The following NFATC3 variants were observed in gnomAD, a reference collection of about 807,000 sequenced individuals.
NFATC3 encodes nuclear factor of activated T-cells, cytoplasmic 3.
In NFATC3, 46 loss-of-function variants were observed where a neutral mutation model predicts 98.6. The ratio of observed to expected loss-of-function variants is 0.47; its 90% CI spans 0.37 to 0.60. The LOEUF (loss-of-function observed/expected upper bound fraction) is 0.60. NFATC3 is among the 20% of genes least tolerant of loss of function. The pLI, the probability that NFATC3 is intolerant of heterozygous loss-of-function variation, is 0.00. For synonymous variants in NFATC3, 512 were observed against 472.2 expected (o/e 1.08, Z -1.09); for missense variants, 1,256 against 1,295.5 (o/e 0.97, Z 0.47).
chr16:68,174,271 T>C, intron 5 of NFATC3, 103 bp from the exon 6 acceptor site: 1 of 951,536 alleles, frequency 1.1e-6, no homozygotes, highest in Non-Finnish European at 1.4e-6. Context: ...CAAAATTTGC[T>C]TCTCTTTATT....
intron 9 of NFATC3, among the ~76,000 whole-genome samples, chr16:68,217,183 A>G (rs896298483): frequency 2.0e-5 from 3 of 152,028 alleles, no homozygotes; most frequent in Non-Finnish European, 4.4e-5. Context: ...TGTAATCCCA[A>G]CACTTTGGGA....
At position 68,226,918 on chromosome 16, in the gene NFATC3, A is replaced by AAAAAAAAAAAAAAAAAAAG. The variant is rs2042050120; in HGVS notation, c.*452_*453insAAAAAAAAAAAAAGAAAAA. ...GAAGCAAAAAAAAAAAAAAAAAAAA[A>AAAAAAAAAAAAAAAAAAAG]AAAAAGAAAAAAAAAGAAAAGAAAA... On this transcript the variant is annotated 3_prime_UTR_variant, in exon 10 of 10. Transcript: ENST00000346183. The AAAAAAAAAAAAAAAAAAAG allele has an allele frequency of 2.6e-5, 3 of 117,312 alleles. No individual in the cohort carries two copies. Among genetic ancestry groups the AAAAAAAAAAAAAAAAAAAG allele is most frequent in the Admixed American group, 8.5e-5 (1 of 11,800 alleles). 7.3% of individuals were successfully genotyped at this position (117,312 alleles called of 1,614,324 possible).
At position 68,201,512 on chromosome 16, in the gene NFATC3, C is replaced by T. The variant is rs1196783504; in HGVS notation, c.3106+9737C>T. On this transcript the variant is annotated intron_variant, in intron 9 of 9. Transcript: ENST00000346183. ...TCTCAAACTCCTGGGCTCAAGTGAT[C>T]TGCCCTCCTTGGCCTCCCAAAGTGC... Among the ~76,000 whole-genome samples the T allele has an allele frequency of 2.6e-5, 4 of 151,398 alleles. No individual in the cohort carries two copies. The East Asian group carries it at 7.9e-4, about 30-fold the overall frequency.
At chr16:68,167,799 C>A in intron 5 of NFATC3, among the ~76,000 whole-genome samples, 1 of 99,072 alleles carries the variant, frequency 1.0e-5, no homozygotes, top group African/African-American at 3.8e-5. Context: ...TATCTGTTAA[C>A]CGTATGTGTT....
At chr16:68,133,380 G>A (rs1419695415) in intron 3 of NFATC3, among the ~76,000 whole-genome samples, 1 of 152,092 alleles carries the variant, frequency 6.6e-6, no homozygotes, top group African/African-American at 2.4e-5. Context: ...TTATATACAT[G>A]TATCAAAATA....
chr16:68,106,569 C>G (rs2035668633), intron 1 of NFATC3, among the ~76,000 whole-genome samples: 1 of 151,884 alleles, frequency 6.6e-6, no homozygotes, highest in Non-Finnish European at 1.5e-5. Context: ...GGATTACAGG[C>G]ATGAGCCACC....
At chr16:68,152,097 T>C (rs2038360115) in intron 3 of NFATC3, among the ~76,000 whole-genome samples, 1 of 148,558 alleles carries the variant, frequency 6.7e-6, no homozygotes, top group Non-Finnish European at 1.5e-5. Flanking sequence ...GTGCAGTGGC[T>C]CACGCCTATA....
At chr16:68,085,886 C>T in intron 1 of NFATC3, 102 bp downstream of exon 1, 1 of 900,248 alleles carries the variant, frequency 1.1e-6, no homozygotes, top group African/African-American at 1.8e-5. Context: ...ACCGATAACC[C>T]TGTGTGTGTG....
intron 1 of NFATC3, among the ~76,000 whole-genome samples, chr16:68,104,715 G>A (rs890429080): frequency 2.7e-5 from 4 of 148,658 alleles, no homozygotes; most frequent in African/African-American, 5.0e-5. Flanking sequence ...GCAGTGGCGC[G>A]ATCTCTGCTC....
rs2037834747 is a variant in NFATC3 at position 68,142,940 on chromosome 16, A to G, written c.1402-14929A>G. The stretch of plus-strand genomic sequence containing the variant: ...TTCCTGTATTAATAAATTACAAGAA[A>G]TATGTAGTAGCCGCATGAAGTGGCT... On this transcript the variant is annotated intron_variant, in intron 3 of 9. Transcript: ENST00000346183. Among the ~76,000 whole-genome samples, 6 of 152,102 alleles carry G rather than the reference A, an allele frequency of 3.9e-5. No homozygotes were observed. In the South Asian group the frequency reaches 1.2e-3, roughly 31 times the overall value.
chr16:68,163,297 C>T (rs1048288611), intron 4 of NFATC3, among the ~76,000 whole-genome samples: 2 of 151,906 alleles, frequency 1.3e-5, no homozygotes, highest in African/African-American at 4.8e-5. Flanking sequence ...GGGCTCCTCA[C>T]TTCCCAGTAG....
intron 6 of NFATC3, among the ~76,000 whole-genome samples, chr16:68,174,731 C>G (rs889494435): frequency 5.3e-5 from 8 of 152,124 alleles, no homozygotes; most frequent in African/African-American, 1.4e-4. Context: ...GCCTGTAGTT[C>G]CAGCTACTCA....
chr16:68,101,490 GT>G (rs200613941), intron 1 of NFATC3, among the ~76,000 whole-genome samples: 19 of 126,656 alleles, frequency 1.5e-4, no homozygotes, highest in East Asian at 6.9e-4. Flanking sequence ...TTTTTTTTTT[GT>G]TTTTTTTTTT....
chr16:68,166,764 T>A, intron 4 of NFATC3, 79 bp from the exon 5 acceptor site: 1 of 1,158,912 alleles, frequency 8.6e-7, no homozygotes, highest in Non-Finnish European at 1.2e-6. Flanking sequence ...TCTGACAAAT[T>A]AACAATTTCT....
chr16:68,185,373 C>T (rs1326382412), intron 8 of NFATC3, among the ~76,000 whole-genome samples: 17 of 152,150 alleles, frequency 1.1e-4, no homozygotes, highest in Non-Finnish European at 8.8e-5. Flanking sequence ...CACTCAAATT[C>T]TTCAAGGCGG....
At chr16:68,170,718 C>A (rs746271165) in intron 5 of NFATC3, among the ~76,000 whole-genome samples, 2 of 152,030 alleles carry the variant, frequency 1.3e-5, no homozygotes, top group African/African-American at 2.4e-5. Flanking sequence ...GTCTTGAACT[C>A]CTGACTTCAA....
chr16:68,152,101 G>A (rs1448243615), intron 3 of NFATC3, among the ~76,000 whole-genome samples: 6 of 149,286 alleles, frequency 4.0e-5, no homozygotes, highest in Non-Finnish European at 8.9e-5. Flanking sequence ...AGTGGCTCAC[G>A]CCTATAATCC....
chr16:68,113,086 T>C (rs2036070110), intron 1 of NFATC3, among the ~76,000 whole-genome samples: 1 of 152,222 alleles, frequency 6.6e-6, no homozygotes, highest in African/African-American at 2.4e-5. Context: ...AGCCTACTTC[T>C]GTCAATTCAT....
In NFATC3 at chr16:68,226,331, C is replaced by T. The variant is rs774360955; in HGVS notation, c.3107-19C>T. 6.4e-7 allele frequency: 1 copy of T among 1,569,578 alleles called. No homozygotes were observed. Among genetic ancestry groups the T allele is most frequent in the South Asian group, 1.2e-5 (1 of 83,942 alleles). On this transcript the variant is annotated intron_variant, in intron 9 of 9. Transcript: ENST00000346183. ...TCACTCAGAGGTCACTAATCACTCT[C>T]CCTTTTCTTGTTTTTCAGTGAACGA...
Sources: allele counts gnomAD v4.1 joint callset (sites outside exome capture counted in the v4.1 genomes callset), GRCh38; gene constraint gnomAD v4.1.1; transcripts MANE v1.5; gene names NCBI Gene and HGNC (gene_info 2026-07-23, HGNC 2026-07-21).